Variants in MAP3K20 observed in about 807,000 individuals in gnomAD.
The protein encoded by MAP3K20 is mitogen-activated protein kinase kinase kinase 20.
MAP3K20 carries 40 observed loss-of-function variants against 85.7 expected under a neutral mutation model. That is an observed-to-expected ratio of 0.47 (90% CI 0.36 to 0.61). MAP3K20 has a LOEUF of 0.61. MAP3K20 is among the 20% of genes least tolerant of loss of function. MAP3K20 has a pLI of 0.00. For missense variants in MAP3K20, 817 were observed against 961.7 expected (o/e 0.85, Z 1.99); for synonymous variants, 325 against 327.7 (o/e 0.99, Z 0.09).
At chr2:173,104,313 C>T (rs1687722252) in intron 2 of MAP3K20, among the ~76,000 whole-genome samples, 1 of 152,090 alleles carries the variant, frequency 6.6e-6, no homozygotes, top group African/African-American at 2.4e-5. Flanking sequence ...AACCATAACC[C>T]CAGTCTAGTC....
intron 7 of MAP3K20, among the ~76,000 whole-genome samples, chr2:173,196,667 G>A (rs987041753): frequency 4.6e-5 from 7 of 152,200 alleles, no homozygotes; most frequent in Admixed American, 1.3e-4. Context: ...TGGATATGGA[G>A]TGAAAGGTTT....
intron 2 of MAP3K20, among the ~76,000 whole-genome samples, chr2:173,167,240 T>G (rs1689859965): frequency 6.6e-6 from 1 of 152,076 alleles, no homozygotes; most frequent in African/African-American, 2.4e-5. Context: ...AATGAGCTCT[T>G]GCAAGCAGGT....
At chr2:173,082,806 G>A (rs1687048276) in intron 1 of MAP3K20, among the ~76,000 whole-genome samples, 1 of 152,214 alleles carries the variant, frequency 6.6e-6, no homozygotes, top group South Asian at 2.1e-4. Context: ...CCTATGCCGT[G>A]GCCGTAGGTT....
At chr2:173,214,586 T>C (rs2106311542) in intron 10 of MAP3K20, 1 of 152,332 alleles carries the variant, frequency 6.6e-6, no homozygotes, top group East Asian at 1.9e-4. Flanking sequence ...TATACATTTA[T>C]CATGTAATAT....
intron 2 of MAP3K20, among the ~76,000 whole-genome samples, chr2:173,140,996 TAAAA>T (rs1038123754): frequency 2.0e-5 from 3 of 152,016 alleles, no homozygotes; most frequent in African/African-American, 7.2e-5. Context: ...AGTAAAAACT[TAAAA>T]AAACTAGATT....
chr2:173,199,542 T>G (rs3769162), intron 8 of MAP3K20, among the ~76,000 whole-genome samples: 115,961 of 152,104 alleles, frequency 0.76, 44,438 homozygotes, highest in East Asian at 0.87. Context: ...TTAGAGATCT[T>G]GTTCTGGGTT....
chr2:173,101,010 G>A (rs1043127747), intron 2 of MAP3K20, among the ~76,000 whole-genome samples: 4 of 152,178 alleles, frequency 2.6e-5, no homozygotes, highest in Non-Finnish European at 5.9e-5. Context: ...TTGGACACAT[G>A]TTGAGCAAAT....
intron 2 of MAP3K20, among the ~76,000 whole-genome samples, chr2:173,104,543 G>A (rs1468578096): frequency 6.6e-6 from 1 of 152,148 alleles, no homozygotes; most frequent in East Asian, 1.9e-4. Flanking sequence ...ATAGTGAAAT[G>A]TCAATAAAGC....
intron 2 of MAP3K20, among the ~76,000 whole-genome samples, chr2:173,093,629 T>A (rs1301780906): frequency 1.3e-5 from 2 of 152,118 alleles, no homozygotes. Flanking sequence ...AAACTTTATT[T>A]AAAAAAATTT....
At position 173,129,454 on chromosome 2, in the gene MAP3K20, T is replaced by C. The variant is rs143780641; in HGVS notation, c.159+38264T>C. On this transcript the variant is annotated intron_variant, in intron 2 of 19. Transcript: ENST00000375213. ...AATGCTGCCAATGGAAACTGTAAGA[T>C]GCCACCAATTGTAATACAGCCCCAG... 4.5e-3 allele frequency among the ~76,000 whole-genome samples: 682 copies of C among 152,280 alleles called. 7 individuals are homozygous for C. Among genetic ancestry groups the C allele is most frequent in the African/African-American group, 0.014 (590 of 41,548 alleles).
chr2:173,091,037 G>A lies in MAP3K20; in HGVS notation c.6G>A (p.Ser2=), dbSNP rs577276295. 1.1e-5 allele frequency: 18 copies of A among 1,609,468 alleles called. No individual in the cohort carries two copies. The highest frequency in any genetic ancestry group is 2.7e-5 in the African/African-American group (2 of 74,332). The change falls in exon 2 of 20, where the codon TCG becomes TCA. Residue 2 remains serine (S), a synonymous_variant. Transcript: ENST00000375213. Reference sequence around the variant, plus strand: ...TAATACTTTGTCATTATGAGATGTCGTCTCTCGGTGCCTCCTTTGTGCAAA... The same window carrying A: ...TAATACTTTGTCATTATGAGATGTCATCTCTCGGTGCCTCCTTTGTGCAAA... M[S]SLGASFVQIK... is the part of the protein sequence containing the mutation.
chr2:173,176,468 A>G lies in MAP3K20; in HGVS notation c.248-6386A>G, dbSNP rs536930448. On this transcript the variant is annotated intron_variant, in intron 3 of 19. Coordinates refer to ENST00000375213, the MANE Select transcript of MAP3K20 (RefSeq NM_016653.3). ...GAGAAAATCTTCTATATTTTATTGT[A>G]ATTAGATTAGTATTAAACTGAGGTA... Among the ~76,000 whole-genome samples the G allele has an allele frequency of 2.3e-4, 35 of 152,252 alleles. 1 individual carries two copies. Among genetic ancestry groups the G allele is most frequent in the Admixed American group, 1.8e-3 (28 of 15,296 alleles).
Position 173,239,444 on chromosome 2 carries a change from T to G in MAP3K20, c.1307T>G (p.Val436Gly), listed in dbSNP as rs930000102. The change falls in exon 16 of 20, where the codon GTG (valine) becomes GGG (glycine). Residue 436 changes from valine to glycine, a missense_variant. Physicochemically the swap from Val to Gly is moderately radical, Grantham distance 109. Around this residue, in one of 4 missense-constraint regions of MAP3K20, gnomAD observed 454 missense variants for 476.9 expected, o/e 0.95. Coordinates refer to ENST00000375213, the MANE Select transcript of MAP3K20 (RefSeq NM_016653.3). Reference sequence around the variant, plus strand: ...CCTGAAGAAAATGAGGAAAAAATAGTGAACCTGGAACTGGTTTTTGGTTTT... The same window carrying G: ...CCTGAAGAAAATGAGGAAAAAATAGGGAACCTGGAACTGGTTTTTGGTTTT... ...GEPEENEEKI[V>G]NLELVFGFHL... The G allele has an allele frequency of 1.6e-5, 26 of 1,613,520 alleles. No homozygotes were observed. In the Admixed American group the frequency reaches 3.8e-4, roughly 24 times the overall value.
chr2:173,231,555 G>C (rs1684523510), intron 12 of MAP3K20, among the ~76,000 whole-genome samples: 1 of 152,194 alleles, frequency 6.6e-6, no homozygotes, highest in South Asian at 2.1e-4. Flanking sequence ...GTGGCTTCCA[G>C]GCCACTTAAA....
intron 16 of MAP3K20, 123 bp from the exon 17 acceptor site, chr2:173,258,576 G>GAA (rs11326134): frequency 1.9e-4 from 98 of 507,370 alleles, no homozygotes; most frequent in Middle Eastern, 1.1e-3. Flanking sequence ...ATTGAAAAAG[G>GAA]AAAAAAAAAA....
chr2:173,089,880 T>C (rs1687244350), intron 1 of MAP3K20, among the ~76,000 whole-genome samples: 1 of 152,202 alleles, frequency 6.6e-6, no homozygotes. Flanking sequence ...GCCTAGTCAT[T>C]GTGTTTAAGT....
At chr2:173,225,429 A>G (rs993187949) in intron 11 of MAP3K20, 1 of 302,592 alleles carries the variant, frequency 3.3e-6, no homozygotes, top group South Asian at 1.3e-4. Flanking sequence ...CCCTGTTGCT[A>G]CTAAAAATAC....
At chr2:173,153,189 C>CA (rs1029304652) in intron 2 of MAP3K20, among the ~76,000 whole-genome samples, 13 of 152,180 alleles carry the variant, frequency 8.5e-5, no homozygotes, top group African/African-American at 3.1e-4. Flanking sequence ...TACCCTTCAA[C>CA]AGGAGGCCCA....
At position 173,198,174 on chromosome 2, in the gene MAP3K20, A is replaced by G; in HGVS notation, c.669+62A>G. ...GAAAACAGTATTGGGGTTTTGCAAA[A>G]GACTTTTTCATCTTCTTCAAATTGA... On this transcript the variant is annotated intron_variant, in intron 8 of 19. Coordinates refer to ENST00000375213, the MANE Select transcript of MAP3K20 (RefSeq NM_016653.3). The surrounding 1 kb of genome is among the most constrained non-coding windows in gnomAD (Gnocchi z 5.8). 1.4e-6 allele frequency: 2 copies of G among 1,434,238 alleles called. No homozygotes were observed. The highest frequency in any genetic ancestry group is 1.9e-6 in the Non-Finnish European group (2 of 1,040,318). The allele number at this position is 1,434,238 out of a possible 1,614,324, so 88.8% of individuals were successfully genotyped here. A position where few individuals can be genotyped will look rare whatever the true frequency, so the allele number is the denominator to read the frequency against.
Sources: gnomAD v4.1 joint callset for allele counts (sites outside exome capture counted in the v4.1 genomes callset) on GRCh38, gnomAD v4.1.1 for gene constraint, gnomAD v4.1.1 regional missense constraint, Gnocchi (gnomAD v3.1) non-coding constraint, MANE v1.5 for transcripts, NCBI Gene and HGNC (gene_info 2026-07-23, HGNC 2026-07-21) for gene names.